The following BAIAP2L1 variants were observed in gnomAD, a reference collection of about 807,000 sequenced individuals.
The protein encoded by BAIAP2L1 is BAR/IMD domain containing adaptor protein 2 like 1.
In BAIAP2L1, 35 loss-of-function variants were observed where a neutral mutation model predicts 66.3. That is an observed-to-expected ratio of 0.53 (90% CI 0.40 to 0.70). The LOEUF (loss-of-function observed/expected upper bound fraction) is 0.70. BAIAP2L1 is among the 30% of genes least tolerant of loss of function. The pLI, the probability that BAIAP2L1 is intolerant of heterozygous loss-of-function variation, is 0.00. For missense variants in BAIAP2L1, 622 were observed against 656.9 expected, an observed-to-expected ratio of 0.95 and a Z score of 0.58; for synonymous variants, 269 against 248.7, an observed-to-expected ratio of 1.08 and a Z score of -0.77.
At chr7:98,349,173 G>T (rs923398846) in intron 3 of BAIAP2L1, among the ~76,000 whole-genome samples, 1 of 152,162 alleles carries the variant, frequency 6.6e-6, no homozygotes, top group African/African-American at 2.4e-5. Context: ...AGAAAAAGGT[G>T]ACAGCTACGT....
Position 98,355,110 on chromosome 7 carries a change from T to C in BAIAP2L1, c.146A>G (p.Lys49Arg), listed in dbSNP as rs752815586. 6.2e-7 allele frequency: 1 copy of C among 1,613,438 alleles called. No individual in the cohort carries two copies. The highest frequency in any genetic ancestry group is 1.1e-5 in the South Asian group (1 of 91,044). Residue 49 changes from lysine (K) to arginine (R), a missense_variant, in exon 3 of 14, where the codon AAA becomes AGA. By Grantham distance (26) the Lys-to-Arg change is conservative. Transcript: ENST00000005260. ...CTTGGCCACTCCATCGTAGTAGGCT[T>C]TTCCTGCCAGGATCATAGCTAGACA... ...KAVNAMILAGKAYYDGVAKIG... is the reference protein window; with the variant it reads ...KAVNAMILAGRAYYDGVAKIG...
rs373401511 is a variant in BAIAP2L1, at chr7:98,293,421, C to T, written c.*100G>A. 3.9e-5 allele frequency: 43 copies of T among 1,113,760 alleles called. No homozygotes were observed. In the South Asian group the frequency reaches 5.2e-4, roughly 13 times the overall value. The allele number at this position is 1,113,760 out of a possible 1,614,324, so 69.0% of individuals were successfully genotyped here. The stretch of plus-strand genomic sequence containing the variant: ...CAGGCGACATTAGAGTTAGGCCTCT[C>T]CACTGAAGCTTCCCGACCGTCAGCA... On this transcript the variant is annotated 3_prime_UTR_variant, in exon 14 of 14. Coordinates refer to ENST00000005260, the MANE Select transcript of BAIAP2L1 (RefSeq NM_018842.5).
At chr7:98,328,815 C>A (rs1801431853) in intron 3 of BAIAP2L1, among the ~76,000 whole-genome samples, 1 of 152,120 alleles carries the variant, frequency 6.6e-6, no homozygotes, top group African/African-American at 2.4e-5. Flanking sequence ...AGCCTGTAGT[C>A]ACCATTTTTT....
chr7:98,337,643 C>T (rs899188991), intron 3 of BAIAP2L1, among the ~76,000 whole-genome samples: 2 of 152,222 alleles, frequency 1.3e-5, no homozygotes, highest in Non-Finnish European at 2.9e-5. Context: ...TGTGGCCGGG[C>T]GCGGTGGCTC....
chr7:98,375,443 G>C (rs1472415826), intron 1 of BAIAP2L1, among the ~76,000 whole-genome samples: 4 of 147,770 alleles, frequency 2.7e-5, no homozygotes, highest in Non-Finnish European at 4.5e-5. Flanking sequence ...ACCACCTGTA[G>C]TCCCCACAAG....
chr7:98,362,055 T>C (rs1733397097), intron 2 of BAIAP2L1, among the ~76,000 whole-genome samples: 1 of 152,188 alleles, frequency 6.6e-6, no homozygotes, highest in African/African-American at 2.4e-5. Context: ...CCCTAACTTA[T>C]AAATGTCTCA....
chr7:98,321,166 C>A (rs1182377508), intron 3 of BAIAP2L1, among the ~76,000 whole-genome samples: 1 of 152,136 alleles, frequency 6.6e-6, no homozygotes, highest in Non-Finnish European at 1.5e-5. Context: ...GCCCACGTGG[C>A]CCTTTCTATA....
At chr7:98,367,685 A>C (rs1247289452) in intron 1 of BAIAP2L1, among the ~76,000 whole-genome samples, 1 of 151,712 alleles carries the variant, frequency 6.6e-6, no homozygotes, top group African/African-American at 2.4e-5. Flanking sequence ...ACAGGCACCC[A>C]CCACCACGCC....
intron 1 of BAIAP2L1, among the ~76,000 whole-genome samples, chr7:98,372,036 C>T (rs1476387963): frequency 6.6e-6 from 1 of 151,918 alleles, no homozygotes; most frequent in Non-Finnish European, 1.5e-5. Context: ...TCTCGTGATC[C>T]ACCTGCCTCC....
At chr7:98,355,280 G>A in intron 2 of BAIAP2L1, 152 bp from the exon 3 acceptor site, 1 of 644,408 alleles carries the variant, frequency 1.6e-6, no homozygotes, top group Non-Finnish European at 2.8e-6. Context: ...GACCTGTGTT[G>A]AGAGTGGTGC....
intron 12 of BAIAP2L1, among the ~76,000 whole-genome samples, chr7:98,298,987 C>A (rs117532461): frequency 0.01 from 1,543 of 152,120 alleles, 12 homozygotes; most frequent in South Asian, 0.026. Flanking sequence ...CAGGTATATG[C>A]CACCATGCCT....
At chr7:98,400,442 G>C in intron 1 of BAIAP2L1, 1 of 296,548 alleles carries the variant, frequency 3.4e-6, no homozygotes, top group Non-Finnish European at 6.1e-6. Flanking sequence ...ACCAGGAGGA[G>C]GGGAGGGACA....
At chr7:98,322,583 T>C (rs1584456157) in intron 3 of BAIAP2L1, among the ~76,000 whole-genome samples, 1 of 152,138 alleles carries the variant, frequency 6.6e-6, no homozygotes, top group South Asian at 2.1e-4. Context: ...AGAGAAGGCA[T>C]GGGGCATGGC....
In BAIAP2L1 at chr7:98,293,448, G is replaced by T. The variant is rs555269730; in HGVS notation, c.*73C>A. On this transcript the variant is annotated 3_prime_UTR_variant, in exon 14 of 14. Transcript: ENST00000005260. ...ACTGAAGCTTCCCGACCGTCAGCAC[G>T]TGGCAGACAGGATGCGCCCATCATT... is the stretch of plus-strand genomic sequence containing the variant. 34 of 1,393,138 alleles carry T rather than the reference G, an allele frequency of 2.4e-5. No homozygotes were observed. The highest frequency in any genetic ancestry group is 3.4e-5 in the Non-Finnish European group (33 of 983,988). The allele number at this position is 1,393,138 out of a possible 1,614,324, so 86.3% of individuals were successfully genotyped here.
chr7:98,369,289 C>G (rs1201161392), intron 1 of BAIAP2L1, among the ~76,000 whole-genome samples: 2 of 152,050 alleles, frequency 1.3e-5, no homozygotes, highest in African/African-American at 2.4e-5. Flanking sequence ...TCGAGACTAG[C>G]CTGGGCAACG....
chr7:98,294,434 G>A (rs1250919012), intron 12 of BAIAP2L1, among the ~76,000 whole-genome samples: 5 of 152,224 alleles, frequency 3.3e-5, no homozygotes, highest in African/African-American at 4.8e-5. Context: ...TCTGAAAGGC[G>A]GTAGCGGCCC....
chr7:98,323,785 T>G (rs1296026376), intron 3 of BAIAP2L1, among the ~76,000 whole-genome samples: 1 of 152,210 alleles, frequency 6.6e-6, no homozygotes, highest in African/African-American at 2.4e-5. Flanking sequence ...TCACAGCAGC[T>G]GGCCGCCGCG....
At chr7:98,358,810 A>C (rs1802199267) in intron 2 of BAIAP2L1, among the ~76,000 whole-genome samples, 1 of 152,118 alleles carries the variant, frequency 6.6e-6, no homozygotes, top group Non-Finnish European at 1.5e-5. Context: ...GTAAGGTCAC[A>C]CACCCCAGAG....
chr7:98,294,705 A>G (rs1341915226), intron 12 of BAIAP2L1, among the ~76,000 whole-genome samples: 1 of 152,198 alleles, frequency 6.6e-6, no homozygotes, highest in African/African-American at 2.4e-5. Flanking sequence ...GCTTTTTGGG[A>G]GCTGACTCCT....
Sources: gnomAD v4.1 joint callset for allele counts (sites outside exome capture counted in the v4.1 genomes callset) on GRCh38, gnomAD v4.1.1 for gene constraint, MANE v1.5 for transcripts, NCBI Gene and HGNC (gene_info 2026-07-23, HGNC 2026-07-21) for gene names.